Variants in CELF4 observed in about 807,000 individuals in gnomAD.
The protein encoded by CELF4 is CUG-BP- and ETR-3-like factor 4.
CELF4 carries 18 observed loss-of-function variants against 59.9 expected under a neutral mutation model. The observed-to-expected ratio is 0.30, with a 90% confidence interval of 0.21 to 0.45. The LOEUF (loss-of-function observed/expected upper bound fraction) is 0.45. CELF4 is among the 20% of genes least tolerant of loss of function. The pLI is 1.00. For synonymous variants in CELF4, 261 were observed against 267.1 expected (o/e 0.98, Z 0.22); for missense variants, 456 against 689.0 (o/e 0.66, Z 3.79).
At chr18:37,466,315 G>A (rs2154602356) in intron 2 of CELF4, among the ~76,000 whole-genome samples, 1 of 152,270 alleles carries the variant, frequency 6.6e-6, no homozygotes, top group South Asian at 2.1e-4. Flanking sequence ...GAGAAGTGAG[G>A]GGCTGAGGCC....
chr18:37,397,269 C>A (rs1267907862), intron 2 of CELF4, among the ~76,000 whole-genome samples: 1 of 141,946 alleles, frequency 7.0e-6, no homozygotes, highest in Non-Finnish European at 1.5e-5. Context: ...TAAAGAGATG[C>A]TTTCATGCAC....
At chr18:37,408,481 T>G (rs2099405781) in intron 2 of CELF4, among the ~76,000 whole-genome samples, 3 of 47,726 alleles carry the variant, frequency 6.3e-5, no homozygotes, top group Non-Finnish European at 6.2e-5. Context: ...TTTTCCCCCT[T>G]TGGTTGGTGC....
intron 1 of CELF4, among the ~76,000 whole-genome samples, chr18:37,516,760 G>C (rs1333117292): frequency 2.6e-5 from 4 of 152,200 alleles, no homozygotes; most frequent in African/African-American, 9.6e-5. Context: ...AGCTGGCTCT[G>C]AGGGCCTTGG....
intron 3 of CELF4, among the ~76,000 whole-genome samples, chr18:37,277,231 G>C (rs1457610505): frequency 6.6e-6 from 1 of 152,220 alleles, no homozygotes; most frequent in African/African-American, 2.4e-5. Context: ...GTAGGGCACA[G>C]TTACTGGTCC....
chr18:37,290,555 A>G (rs2095265170), intron 3 of CELF4, among the ~76,000 whole-genome samples: 1 of 152,112 alleles, frequency 6.6e-6, no homozygotes, highest in Non-Finnish European at 1.5e-5. Context: ...TGAGCAGGAG[A>G]AAGTGCCGCA....
chr18:37,458,546 G>T (rs769455592), intron 2 of CELF4, among the ~76,000 whole-genome samples: 3 of 152,218 alleles, frequency 2.0e-5, no homozygotes, highest in Admixed American at 1.3e-4. Flanking sequence ...AGGAGACCTT[G>T]TTACAGTTTG....
intron 1 of CELF4, among the ~76,000 whole-genome samples, chr18:37,518,237 A>T (rs1453268196): frequency 6.6e-6 from 1 of 152,164 alleles, no homozygotes; most frequent in African/African-American, 2.4e-5. Context: ...GGGCAAGCGT[A>T]ATATTACCCC....
intron 2 of CELF4, among the ~76,000 whole-genome samples, chr18:37,335,729 C>A (rs1569565892): frequency 6.6e-6 from 1 of 152,092 alleles, no homozygotes; most frequent in African/African-American, 2.4e-5. Context: ...TGCCCCTAAA[C>A]CTGCCCCACT....
intron 1 of CELF4, among the ~76,000 whole-genome samples, chr18:37,494,237 C>T (rs1480872796): frequency 6.6e-6 from 1 of 152,186 alleles, no homozygotes; most frequent in Middle Eastern, 3.2e-3. Flanking sequence ...TCGGCTGCTC[C>T]ATCTTTATAG....
intron 7 of CELF4, among the ~76,000 whole-genome samples, chr18:37,272,278 A>G (rs1320680): frequency 0.49 from 74,662 of 151,896 alleles, 18,875 homozygotes; most frequent in African/African-American, 0.56. Context: ...CTGTAGGATC[A>G]TACAGCAATA....
At chr18:37,532,169 GCTGATCTTTGCATTTCACAAT>G (rs1569569776) in intron 1 of CELF4, among the ~76,000 whole-genome samples, 3 of 152,162 alleles carry the variant, frequency 2.0e-5, no homozygotes, top group Admixed American at 1.3e-4. Context: ...GGGCACTTCT[GCTGATCTTTGCATTTCACAAT>G]CATATCCATT....
chr18:37,303,075 A>T (rs2096173318), intron 3 of CELF4, among the ~76,000 whole-genome samples: 1 of 152,194 alleles, frequency 6.6e-6, no homozygotes, highest in African/African-American at 2.4e-5. Flanking sequence ...ATGGTGGAAG[A>T]GAGGAGAAGG....
intron 1 of CELF4, among the ~76,000 whole-genome samples, chr18:37,517,031 G>A (rs1191519177): frequency 1.3e-5 from 2 of 152,216 alleles, no homozygotes. Context: ...CCTCACATAT[G>A]TGCACATGCA....
At chr18:37,267,697 T>C (rs2078342340) in intron 8 of CELF4, among the ~76,000 whole-genome samples, 1 of 152,156 alleles carries the variant, frequency 6.6e-6, no homozygotes, top group Non-Finnish European at 1.5e-5. Context: ...TCAACTTCCC[T>C]CCTGAGCACG....
intron 2 of CELF4, among the ~76,000 whole-genome samples, chr18:37,451,740 T>G (rs934465159): frequency 6.6e-6 from 1 of 152,272 alleles, no homozygotes; most frequent in East Asian, 1.9e-4. Flanking sequence ...AGACATGACG[T>G]GGGACAGCGC....
intron 2 of CELF4, among the ~76,000 whole-genome samples, chr18:37,339,881 G>T (rs938559182): frequency 1.3e-5 from 2 of 152,134 alleles, no homozygotes; most frequent in Non-Finnish European, 2.9e-5. Context: ...AGGGGAGAGG[G>T]TAGGCGCTGA....
At chr18:37,312,183 G>A (rs543385561) in intron 3 of CELF4, among the ~76,000 whole-genome samples, 1 of 135,524 alleles carries the variant, frequency 7.4e-6, no homozygotes, top group African/African-American at 2.7e-5. Flanking sequence ...CCCCAGGGCA[G>A]AGAAATGCTG....
At chr18:37,367,804 G>A (rs113707914) in intron 2 of CELF4, among the ~76,000 whole-genome samples, 5 of 151,938 alleles carry the variant, frequency 3.3e-5, no homozygotes, top group African/African-American at 1.2e-4. Flanking sequence ...TGTCAGCTCC[G>A]TGGCGCCGGT....
rs1391252348 is a variant in CELF4, at chr18:37,543,532, C to T, written c.286+21824G>A. Among the ~76,000 whole-genome samples the T allele has an allele frequency of 2.0e-5, 3 of 152,202 alleles. No homozygotes were observed. The East Asian group carries it at 5.8e-4, about 29-fold the overall frequency. On this transcript the variant is annotated intron_variant, in intron 1 of 12. Transcript: ENST00000420428. ...TGGGCAGGGGCTGTGGCTCTGCCTC[C>T]TGCTCCTCACATGATGTGCAGCCCA...
Sources: gnomAD v4.1 joint callset for allele counts (sites outside exome capture counted in the v4.1 genomes callset) on GRCh38, gnomAD v4.1.1 for gene constraint, MANE v1.5 for transcripts, NCBI Gene and HGNC (gene_info 2026-07-23, HGNC 2026-07-21) for gene names.